The following MACROD2 variants were observed in gnomAD, a reference collection of about 807,000 sequenced individuals.
MACROD2 encodes mono-ADP ribosylhydrolase 2.
MACROD2 carries 36 observed loss-of-function variants against 70.4 expected under a neutral mutation model. The ratio of observed to expected loss-of-function variants is 0.51; its 90% CI spans 0.39 to 0.68. MACROD2 has a LOEUF of 0.68. MACROD2 is among the 30% of genes least tolerant of loss of function. The probability of loss-of-function intolerance (pLI) is 0.00; values close to 1 mark genes in which losing one functional copy is unlikely to be tolerated. For synonymous variants in MACROD2, 172 were observed against 178.8 expected (o/e 0.96, Z 0.30); for missense variants, 496 against 538.4 (o/e 0.92, Z 0.78).
intron 3 of MACROD2, among the ~76,000 whole-genome samples, chr20:14,130,648 T>C (rs1377525544): frequency 6.6e-6 from 1 of 152,192 alleles, no homozygotes; most frequent in Admixed American, 6.5e-5. Flanking sequence ...GAAATAGCAC[T>C]ATATTAGCAG....
chr20:14,575,761 T>C (rs1273664970), intron 4 of MACROD2, among the ~76,000 whole-genome samples: 1 of 152,186 alleles, frequency 6.6e-6, no homozygotes, highest in Non-Finnish European at 1.5e-5. Flanking sequence ...TAGAGCTTTA[T>C]TTGGATGAAG....
chr20:14,789,172 T>C (rs1455600469), intron 5 of MACROD2, among the ~76,000 whole-genome samples: 1 of 152,044 alleles, frequency 6.6e-6, no homozygotes, highest in Non-Finnish European at 1.5e-5. Flanking sequence ...ATTAAAAATT[T>C]AGGCCTATAT....
At chr20:15,858,460 C>A (rs551848786) in intron 8 of MACROD2, among the ~76,000 whole-genome samples, 18 of 152,176 alleles carry the variant, frequency 1.2e-4, no homozygotes, top group Non-Finnish European at 2.6e-4. Context: ...ACTGTGACTT[C>A]TTTTTTACTT....
At chr20:15,169,086 T>C (rs1385402997) in intron 5 of MACROD2, among the ~76,000 whole-genome samples, 2 of 152,250 alleles carry the variant, frequency 1.3e-5, no homozygotes, top group East Asian at 3.9e-4. Flanking sequence ...ATGGTGATGA[T>C]TGTTGTACAA....
chr20:15,110,680 G>T (rs559174003), intron 5 of MACROD2, among the ~76,000 whole-genome samples: 2 of 152,292 alleles, frequency 1.3e-5, no homozygotes, highest in South Asian at 4.1e-4. Flanking sequence ...AAGGAAATAT[G>T]AGGACATAAC....
chr20:14,454,163 C>T (rs1303016042), intron 3 of MACROD2, among the ~76,000 whole-genome samples: 1 of 151,772 alleles, frequency 6.6e-6, no homozygotes, highest in Non-Finnish European at 1.5e-5. Context: ...ATTTATTAGG[C>T]TTATAGCAAG....
chr20:14,943,928 C>T (rs1457541767), intron 5 of MACROD2, among the ~76,000 whole-genome samples: 3 of 152,016 alleles, frequency 2.0e-5, no homozygotes, highest in African/African-American at 7.2e-5. Context: ...GGATATGTTT[C>T]TTTTTATTGT....
chr20:14,743,284 A>G (rs1182435126), intron 5 of MACROD2, among the ~76,000 whole-genome samples: 6 of 152,240 alleles, frequency 3.9e-5, no homozygotes, highest in African/African-American at 1.2e-4. Flanking sequence ...ATTACCTTAC[A>G]TGGCTAGAGG....
intron 5 of MACROD2, among the ~76,000 whole-genome samples, chr20:14,977,636 G>C (rs982979385): frequency 1.3e-5 from 2 of 152,034 alleles, no homozygotes; most frequent in Non-Finnish European, 2.9e-5. Context: ...GGTGTTATGA[G>C]AGTCAAAAGA....
intron 3 of MACROD2, among the ~76,000 whole-genome samples, chr20:14,409,428 T>TTA (rs2083725823): frequency 6.7e-6 from 1 of 150,338 alleles, no homozygotes. Context: ...TTATTGGTAT[T>TTA]TTATTATTAT....
chr20:14,496,154 G>T (rs902150368), intron 4 of MACROD2, among the ~76,000 whole-genome samples: 1 of 152,098 alleles, frequency 6.6e-6, no homozygotes, highest in Non-Finnish European at 1.5e-5. Flanking sequence ...AATAAGAAGC[G>T]ATTGAATTGA....
intron 4 of MACROD2, among the ~76,000 whole-genome samples, chr20:14,584,981 C>A (rs189088702): frequency 3.3e-5 from 5 of 152,266 alleles, no homozygotes; most frequent in South Asian, 2.1e-4. Flanking sequence ...CCTTTGGGAA[C>A]AAATCTTCTT....
At chr20:14,203,988 G>T (rs1056102001) in intron 3 of MACROD2, among the ~76,000 whole-genome samples, 2 of 152,210 alleles carry the variant, frequency 1.3e-5, no homozygotes, top group African/African-American at 4.8e-5. Context: ...GGCATCAGTG[G>T]TGGTGGTAGC....
At chr20:14,978,917 A>G (rs1249705489) in intron 5 of MACROD2, among the ~76,000 whole-genome samples, 1 of 137,514 alleles carries the variant, frequency 7.3e-6, no homozygotes, top group African/African-American at 3.0e-5. Flanking sequence ...TATATATAAT[A>G]TATATCATAA....
intron 6 of MACROD2, among the ~76,000 whole-genome samples, chr20:15,316,008 T>C (rs2077806140): frequency 6.6e-6 from 1 of 151,770 alleles, no homozygotes; most frequent in Non-Finnish European, 1.5e-5. Flanking sequence ...ACTGTAAATT[T>C]AGGATGCTAA....
At chr20:14,865,533 T>C (rs572696505) in intron 5 of MACROD2, among the ~76,000 whole-genome samples, 88 of 152,236 alleles carry the variant, frequency 5.8e-4, no homozygotes, top group African/African-American at 2.0e-3. Flanking sequence ...TGGAGTTCGT[T>C]ATTCTAGTGG....
chr20:15,396,810 T>A (rs981519494), intron 6 of MACROD2, among the ~76,000 whole-genome samples: 2 of 152,218 alleles, frequency 1.3e-5, no homozygotes, highest in East Asian at 1.9e-4. Flanking sequence ...TGCTCTTTTA[T>A]GCTCCCACTC....
chr20:15,201,973 C>T (rs4603847), intron 5 of MACROD2, among the ~76,000 whole-genome samples: 16,148 of 152,094 alleles, frequency 0.11, 1,078 homozygotes, highest in African/African-American at 0.18. Context: ...ATACAGGACC[C>T]ACGGAAGGGG....
intron 5 of MACROD2, among the ~76,000 whole-genome samples, chr20:14,792,375 A>G (rs2072461054): frequency 6.6e-6 from 1 of 151,968 alleles, no homozygotes; most frequent in South Asian, 2.1e-4. Flanking sequence ...CATACTCTGC[A>G]CTCCAGTGTC....
Sources: gnomAD v4.1 joint callset for allele counts (sites outside exome capture counted in the v4.1 genomes callset) on GRCh38, gnomAD v4.1.1 for gene constraint, MANE v1.5 for transcripts, NCBI Gene and HGNC (gene_info 2026-07-23, HGNC 2026-07-21) for gene names.